Variants in DTNB observed in about 807,000 individuals in gnomAD.
The protein encoded by DTNB is dystrobrevin beta.
Under a neutral mutation model 90.7 loss-of-function variants are expected in DTNB, and 63 were observed. The ratio of observed to expected loss-of-function variants is 0.69; its 90% CI spans 0.57 to 0.86. The LOEUF (loss-of-function observed/expected upper bound fraction) is 0.86. DTNB is among the 40% of genes least tolerant of loss of function. DTNB has a pLI of 0.00. For synonymous variants in DTNB, 277 were observed against 286.7 expected (o/e 0.97, Z 0.34); for missense variants, 744 against 807.1 (o/e 0.92, Z 0.95).
chr2:25,398,539 G>T (rs1428394511), intron 16 of DTNB, among the ~76,000 whole-genome samples: 3 of 152,198 alleles, frequency 2.0e-5, no homozygotes, highest in African/African-American at 7.2e-5. Context: ...CGCCAGGCCT[G>T]AGGCTAAGGG....
At chr2:25,422,315 A>C (rs2149824643) in intron 15 of DTNB, among the ~76,000 whole-genome samples, 1 of 152,078 alleles carries the variant, frequency 6.6e-6, no homozygotes, top group South Asian at 2.1e-4. Context: ...CACTCAAACT[A>C]GATAAGCATT....
At chr2:25,617,946 G>T (rs1241892183) in intron 4 of DTNB, among the ~76,000 whole-genome samples, 2 of 152,086 alleles carry the variant, frequency 1.3e-5, no homozygotes, top group Non-Finnish European at 2.9e-5. Flanking sequence ...TTGGCATAAA[G>T]AAATAGTTAT....
chr2:25,408,538 C>CAAAAAAAAAAAAAAAAAAAAAA (rs11395783), intron 16 of DTNB, among the ~76,000 whole-genome samples: 2 of 32,732 alleles, frequency 6.1e-5, no homozygotes, highest in African/African-American at 1.9e-4. Context: ...GACTCCATCT[C>CAAAAAAAAAAAAAAAAAAAAAA]AAAAAAAAAA....
At chr2:25,411,998 C>T (rs1239761957) in intron 16 of DTNB, among the ~76,000 whole-genome samples, 2 of 152,142 alleles carry the variant, frequency 1.3e-5, no homozygotes, top group Non-Finnish European at 2.9e-5. Context: ...AAGAAGGGAA[C>T]GTGACCCATG....
intron 6 of DTNB, among the ~76,000 whole-genome samples, chr2:25,581,418 GACA>G (rs1436480426): frequency 6.6e-6 from 1 of 152,188 alleles, no homozygotes; most frequent in African/African-American, 2.4e-5. Flanking sequence ...TAAATAATTT[GACA>G]ACATCATAGA....
chr2:25,527,480 C>T (rs1404598528), intron 9 of DTNB, among the ~76,000 whole-genome samples: 2 of 151,468 alleles, frequency 1.3e-5, no homozygotes, highest in Non-Finnish European at 2.9e-5. Context: ...CTGAGATTGC[C>T]ACTGCACTCC....
intron 4 of DTNB, among the ~76,000 whole-genome samples, chr2:25,613,543 G>A (rs994163369): frequency 6.6e-6 from 1 of 151,850 alleles, no homozygotes; most frequent in African/African-American, 2.4e-5. Flanking sequence ...ATAAGGGTAA[G>A]GCCAGCATTA....
At chr2:25,442,929 A>C (rs568238867) in intron 12 of DTNB, among the ~76,000 whole-genome samples, 1 of 152,340 alleles carries the variant, frequency 6.6e-6, no homozygotes, top group African/African-American at 2.4e-5. Context: ...ATAAATACAG[A>C]TGGCTCTCGA....
intron 8 of DTNB, among the ~76,000 whole-genome samples, chr2:25,540,437 A>G (rs1474181918): frequency 2.0e-5 from 3 of 152,154 alleles, no homozygotes; most frequent in Non-Finnish European, 4.4e-5. Flanking sequence ...AGTTGTGATA[A>G]AACATACATA....
intron 12 of DTNB, among the ~76,000 whole-genome samples, chr2:25,443,596 C>T: frequency 6.6e-6 from 1 of 152,184 alleles, no homozygotes. Flanking sequence ...TCTTTATATT[C>T]CAGGGGCAGC....
chr2:25,662,927 G>A (rs1477998294), intron 1 of DTNB, among the ~76,000 whole-genome samples: 3 of 151,982 alleles, frequency 2.0e-5, no homozygotes, highest in South Asian at 2.1e-4. Flanking sequence ...TAAGTTCTGC[G>A]ATACATGTGC....
At chr2:25,504,912 A>T (rs1482024372) in intron 9 of DTNB, among the ~76,000 whole-genome samples, 1 of 141,102 alleles carries the variant, frequency 7.1e-6, no homozygotes, top group Non-Finnish European at 1.5e-5. Flanking sequence ...AGCGTCTTCC[A>T]AAAGAAGAAC....
chr2:25,390,535 C>T (rs1021520038), intron 16 of DTNB, among the ~76,000 whole-genome samples: 1 of 151,960 alleles, frequency 6.6e-6, no homozygotes, highest in African/African-American at 2.4e-5. Flanking sequence ...CCTCCGTCCC[C>T]TGGGTTCAAC....
chr2:25,538,688 T>G (rs1051792996), intron 8 of DTNB, among the ~76,000 whole-genome samples: 2 of 152,136 alleles, frequency 1.3e-5, no homozygotes, highest in East Asian at 3.9e-4. Context: ...CTGACCTCAG[T>G]TGAACCACCC....
chr2:25,493,002 C>A (rs899276979), intron 9 of DTNB, among the ~76,000 whole-genome samples: 26 of 152,160 alleles, frequency 1.7e-4, no homozygotes, highest in Admixed American at 1.6e-3. Context: ...TTACCCCTGC[C>A]CTTCACTTTT....
intron 8 of DTNB, among the ~76,000 whole-genome samples, chr2:25,548,906 A>C (rs904501606): frequency 6.6e-6 from 1 of 152,184 alleles, no homozygotes; most frequent in Non-Finnish European, 1.5e-5. Flanking sequence ...ACATAAATAC[A>C]TACACCCACA....
At chr2:25,443,801 G>A (rs2150067723) in intron 12 of DTNB, among the ~76,000 whole-genome samples, 1 of 152,346 alleles carries the variant, frequency 6.6e-6, no homozygotes, top group South Asian at 2.1e-4. Context: ...CTGAGGCAAA[G>A]CCAAGGATCT....
intron 16 of DTNB, among the ~76,000 whole-genome samples, chr2:25,398,648 A>G (rs1161781039): frequency 6.6e-6 from 1 of 152,174 alleles, no homozygotes; most frequent in Non-Finnish European, 1.5e-5. Flanking sequence ...ACAAAAAAGC[A>G]AAAGTGTGGG....
At chr2:25,616,860 A>T (rs1181582914) in intron 4 of DTNB, among the ~76,000 whole-genome samples, 1 of 137,050 alleles carries the variant, frequency 7.3e-6, no homozygotes, top group Non-Finnish European at 1.5e-5. Flanking sequence ...TGAACCCAGG[A>T]GGCGGAGCTT....
Sources: gnomAD v4.1 joint callset for allele counts (sites outside exome capture counted in the v4.1 genomes callset) on GRCh38, gnomAD v4.1.1 for gene constraint, MANE v1.5 for transcripts, NCBI Gene and HGNC (gene_info 2026-07-23, HGNC 2026-07-21) for gene names.